The following LMBRD1 variants were observed in gnomAD, a reference collection of about 807,000 sequenced individuals.
The protein encoded by LMBRD1 is lysosomal cobalamin transport escort protein LMBD1.
Under a neutral mutation model 74.8 loss-of-function variants are expected in LMBRD1, and 64 were observed. That is an observed-to-expected ratio of 0.86 (90% CI 0.70 to 1.05). The LOEUF (loss-of-function observed/expected upper bound fraction) is 1.05. LMBRD1 is among the 50% of genes least tolerant of loss of function. LMBRD1 has a pLI of 0.00. For synonymous variants in LMBRD1, 204 were observed against 216.3 expected (o/e 0.94, Z 0.50); for missense variants, 652 against 645.9 (o/e 1.01, Z -0.10).
chr6:69,676,642 A>G (rs1264313155), intron 14 of LMBRD1, 101 bp from the exon 15 acceptor site: 3 of 916,036 alleles, frequency 3.3e-6, no homozygotes, highest in African/African-American at 1.6e-5. Flanking sequence ...AATGACTAAG[A>G]TCATATGGCT....
At chr6:69,783,502 G>A (rs375491698) in intron 2 of LMBRD1, among the ~76,000 whole-genome samples, 49 of 152,260 alleles carry the variant, frequency 3.2e-4, no homozygotes, top group African/African-American at 1.2e-3. Context: ...AGGCTTCCAA[G>A]TAGCTGGGAC....
At chr6:69,752,844 AT>A (rs1286310753) in intron 3 of LMBRD1, among the ~76,000 whole-genome samples, 3 of 152,214 alleles carry the variant, frequency 2.0e-5, no homozygotes, top group Non-Finnish European at 4.4e-5. Context: ...GTTTAAAAAA[AT>A]ATGCAGTATT....
chr6:69,702,206 ACT>A (rs1407906645), intron 9 of LMBRD1, among the ~76,000 whole-genome samples: 2 of 151,854 alleles, frequency 1.3e-5, no homozygotes, highest in Non-Finnish European at 2.9e-5. Flanking sequence ...AACAAATGAA[ACT>A]CTTTGTTAGA....
intron 12 of LMBRD1, among the ~76,000 whole-genome samples, chr6:69,700,459 A>G (rs1021575513): frequency 1.1e-4 from 17 of 151,788 alleles, no homozygotes; most frequent in African/African-American, 4.1e-4. Flanking sequence ...TGCCCTATGC[A>G]CTACAGGATT....
At chr6:69,694,681 T>C (rs1765955985) in intron 14 of LMBRD1, among the ~76,000 whole-genome samples, 1 of 152,174 alleles carries the variant, frequency 6.6e-6, no homozygotes, top group Non-Finnish European at 1.5e-5. Flanking sequence ...AATTGTCCTT[T>C]GCTTTCCATC....
chr6:69,780,402 A>C (rs751869322), intron 3 of LMBRD1, 92 bp downstream of exon 3: 7 of 950,578 alleles, frequency 7.4e-6, no homozygotes, highest in Non-Finnish European at 1.2e-5. Flanking sequence ...AATTCGACCC[A>C]AGAGGAAGAA....
intron 7 of LMBRD1, among the ~76,000 whole-genome samples, chr6:69,721,510 T>C (rs1391313005): frequency 1.3e-5 from 2 of 152,018 alleles, no homozygotes; most frequent in Non-Finnish European, 2.9e-5. Flanking sequence ...CCTTGAAGGG[T>C]AGTCAGGATT....
intron 14 of LMBRD1, among the ~76,000 whole-genome samples, chr6:69,694,112 TAC>T (rs577670227): frequency 2.4e-4 from 36 of 152,210 alleles, no homozygotes; most frequent in East Asian, 7.7e-4. Context: ...ATAAAAAAGT[TAC>T]AGTCAAGTGT....
intron 7 of LMBRD1, among the ~76,000 whole-genome samples, chr6:69,728,503 T>C (rs1766784064): frequency 6.6e-6 from 1 of 152,206 alleles, no homozygotes; most frequent in South Asian, 2.1e-4. Context: ...AATCTAGGCC[T>C]ATTTGTCCTC....
intron 14 of LMBRD1, among the ~76,000 whole-genome samples, chr6:69,689,077 G>A (rs1765825866): frequency 6.6e-6 from 1 of 151,960 alleles, no homozygotes; most frequent in African/African-American, 2.4e-5. Flanking sequence ...AACTACTTTA[G>A]GAGACAGAAA....
chr6:69,676,308 T>C (rs772643017), intron 15 of LMBRD1, 37 bp from the exon 16 acceptor site: 7 of 1,600,884 alleles, frequency 4.4e-6, no homozygotes, highest in Admixed American at 1.7e-5. Flanking sequence ...ATTTTTCAAA[T>C]TTAAAATCAT....
intron 13 of LMBRD1, 112 bp from the exon 14 acceptor site, chr6:69,697,753 A>C: frequency 3.2e-6 from 2 of 617,180 alleles, no homozygotes; most frequent in Non-Finnish European, 2.8e-6. Flanking sequence ...CATCTATCTA[A>C]CATTCCAAAA....
intron 7 of LMBRD1, among the ~76,000 whole-genome samples, chr6:69,735,077 C>G (rs535870452): frequency 6.9e-4 from 105 of 152,288 alleles, no homozygotes; most frequent in Middle Eastern, 3.4e-3. Flanking sequence ...ATGTAGTATA[C>G]TTCATGAATT....
intron 2 of LMBRD1, among the ~76,000 whole-genome samples, chr6:69,782,239 T>C (rs1765848333): frequency 6.6e-6 from 1 of 152,204 alleles, no homozygotes; most frequent in Non-Finnish European, 1.5e-5. Context: ...TCAGGAGCTC[T>C]TACAAAGCGA....
chr6:69,693,892 C>A (rs1765941716), intron 14 of LMBRD1, among the ~76,000 whole-genome samples: 1 of 151,860 alleles, frequency 6.6e-6, no homozygotes, highest in Non-Finnish European at 1.5e-5. Context: ...TATGTACTGG[C>A]AAATTTAACA....
intron 3 of LMBRD1, among the ~76,000 whole-genome samples, chr6:69,755,404 G>A (rs1274080495): frequency 6.6e-6 from 1 of 151,984 alleles, no homozygotes; most frequent in Non-Finnish European, 1.5e-5. Context: ...ACACAGGGAG[G>A]GGAACATCAT....
chr6:69,740,530 C>T (rs544432898), intron 6 of LMBRD1, among the ~76,000 whole-genome samples: 2 of 152,214 alleles, frequency 1.3e-5, no homozygotes, highest in South Asian at 2.1e-4. Flanking sequence ...TTAGTAGATG[C>T]GAGGCCTGCT....
intron 8 of LMBRD1, among the ~76,000 whole-genome samples, chr6:69,716,457 C>G (rs73485522): frequency 0.097 from 14,785 of 151,994 alleles, 1,912 homozygotes; most frequent in African/African-American, 0.3. Flanking sequence ...GTGCATAAAA[C>G]TGGTCTTCTC....
rs9454870 is a variant in LMBRD1 at position 69,683,035 on chromosome 6, G to T, written c.1418-6494C>A. On this transcript the variant is annotated intron_variant, in intron 14 of 15. Transcript: ENST00000649934. ...TTTGGTGTAGATACTGGAGAACTTA[G>T]AAAGCATACAGCTAATCAACTTTAC... 3.6e-3 allele frequency among the ~76,000 whole-genome samples: 543 copies of T among 152,086 alleles called. 7 individuals are homozygous for T. Among genetic ancestry groups the T allele is most frequent in the African/African-American group, 0.012 (516 of 41,550 alleles).
Sources: gnomAD v4.1 joint callset for allele counts (sites outside exome capture counted in the v4.1 genomes callset) on GRCh38, gnomAD v4.1.1 for gene constraint, MANE v1.5 for transcripts, NCBI Gene and HGNC (gene_info 2026-07-23, HGNC 2026-07-21) for gene names.